Variants in BRINP3 observed in about 807,000 individuals in gnomAD.
The protein encoded by BRINP3 is BMP/retinoic acid-inducible neural-specific protein 3.
Under a neutral mutation model 71.0 loss-of-function variants are expected in BRINP3, and 19 were observed. The observed-to-expected ratio is 0.27, with a 90% CI of 0.19 to 0.39. BRINP3 has a LOEUF of 0.39. Ranked by LOEUF, BRINP3 falls within the 10% of genes least tolerant of loss-of-function variation. BRINP3 has a pLI of 1.00. For missense variants in BRINP3, 959 were observed against 940.8 expected (o/e 1.02, Z -0.25); for synonymous variants, 380 against 337.7 (o/e 1.13, Z -1.37).
chr1:190,212,548 T>A (rs751789777), intron 6 of BRINP3, among the ~76,000 whole-genome samples: 3 of 152,136 alleles, frequency 2.0e-5, no homozygotes, highest in African/African-American at 7.2e-5. Context: ...TATGATGTTT[T>A]CAGTTTCTTG....
chr1:190,389,273 C>A (rs1035816817), intron 2 of BRINP3, among the ~76,000 whole-genome samples: 1 of 151,702 alleles, frequency 6.6e-6, no homozygotes, highest in Non-Finnish European at 1.5e-5. Context: ...TCCCTACCAT[C>A]CAATCTATTC....
chr1:190,390,556 C>T (rs1337524369), intron 2 of BRINP3, among the ~76,000 whole-genome samples: 1 of 151,560 alleles, frequency 6.6e-6, no homozygotes, highest in Non-Finnish European at 1.5e-5. Context: ...CTAAAACCCT[C>T]AAGGAACAGG....
At chr1:190,400,166 A>G (rs1671830571) in intron 2 of BRINP3, among the ~76,000 whole-genome samples, 1 of 152,106 alleles carries the variant, frequency 6.6e-6, no homozygotes, top group Non-Finnish European at 1.5e-5. Flanking sequence ...GCTGAAATGA[A>G]CGTTTTGCGT....
In BRINP3 at chr1:190,120,380, C is replaced by T. The variant is rs567690980; in HGVS notation, c.1185-21246G>A. Among the ~76,000 whole-genome samples the T allele has an allele frequency of 2.6e-5, 4 of 152,148 alleles. No individual in the cohort carries two copies. In the South Asian group the frequency reaches 8.3e-4, roughly 32 times the overall value. ...AAATACAACATATAAAACAAGAAAACAGCAGGTTCATTGATTATGACACAT... is the reference window on the plus strand; with the variant it reads ...AAATACAACATATAAAACAAGAAAATAGCAGGTTCATTGATTATGACACAT... On this transcript the variant is annotated intron_variant, in intron 7 of 7. Transcript: ENST00000367462.
In BRINP3 at chr1:190,242,301, C is replaced by T. The variant is rs138985483; in HGVS notation, c.619-7824G>A. ...AAAAAATATATCAATGCAAAATTTT[C>T]TTGCATCTCAACACAAAAGTAAGCA... On this transcript the variant is annotated intron_variant, in intron 4 of 7. Transcript: ENST00000367462. 5.4e-3 allele frequency among the ~76,000 whole-genome samples: 819 copies of T among 152,022 alleles called. 5 individuals are homozygous for T. Among genetic ancestry groups the T allele is most frequent in the African/African-American group, 0.018 (750 of 41,528 alleles).
chr1:190,285,516 T>C (rs960936296), intron 2 of BRINP3, among the ~76,000 whole-genome samples: 3 of 152,060 alleles, frequency 2.0e-5, no homozygotes, highest in Non-Finnish European at 4.4e-5. Context: ...GGAGAATCAC[T>C]TGAACCCAGG....
chr1:190,353,955 C>T (rs1473363496), intron 2 of BRINP3, among the ~76,000 whole-genome samples: 1 of 151,920 alleles, frequency 6.6e-6, no homozygotes, highest in African/African-American at 2.4e-5. Flanking sequence ...TGATCGTATA[C>T]TTTCTTTCTT....
In BRINP3 at chr1:190,098,134, G is replaced by A; in HGVS notation, c.2185C>T (p.Arg729Cys). Residue 729 changes from arginine to cysteine, a missense_variant, in exon 8 of 8, where the codon CGT becomes TGT. Arg to Cys is a radical substitution (Grantham distance 180, BLOSUM62 -3). Coordinates refer to ENST00000367462, the MANE Select transcript of BRINP3 (RefSeq NM_199051.3). ...CTAGTAGACAGCTTGAGTCTATGAC[G>A]AAGCAAGCAAGAGAAAAGATCTAGA... ...RRLDLFSCLL[R>C]HRLKLSTSEV... The A allele has an allele frequency of 1.2e-6, 2 of 1,614,132 alleles. No individual in the cohort carries two copies. Among genetic ancestry groups the A allele is most frequent in the South Asian group, 1.1e-5 (1 of 91,078 alleles).
intron 2 of BRINP3, among the ~76,000 whole-genome samples, chr1:190,323,282 C>A (rs921247388): frequency 6.6e-6 from 1 of 151,820 alleles, no homozygotes; most frequent in South Asian, 2.1e-4. Flanking sequence ...TTCTTGTTAG[C>A]ATAACTGGAT....
intron 3 of BRINP3, among the ~76,000 whole-genome samples, chr1:190,279,271 A>G (rs1294030393): frequency 6.6e-6 from 1 of 151,598 alleles, no homozygotes; most frequent in African/African-American, 2.4e-5. Flanking sequence ...AATTATTAAA[A>G]TATTTTATAT....
chr1:190,267,915 G>A (rs1661794768), intron 3 of BRINP3, among the ~76,000 whole-genome samples: 1 of 151,938 alleles, frequency 6.6e-6, no homozygotes, highest in African/African-American at 2.4e-5. Context: ...TACTGAAAAT[G>A]TAAAACTTCT....
At chr1:190,302,559 A>G (rs538818971) in intron 2 of BRINP3, 25 of 151,976 alleles carry the variant, frequency 1.6e-4, no homozygotes, top group African/African-American at 5.5e-4. Context: ...TCAGTTACAC[A>G]TGATTATTCA....
chr1:190,430,219 T>G (rs1212662734), intron 2 of BRINP3, among the ~76,000 whole-genome samples: 5 of 152,166 alleles, frequency 3.3e-5, no homozygotes, highest in African/African-American at 1.2e-4. Context: ...CTCAAGTCAG[T>G]CAGTTTTGCT....
rs913644308 is a variant in BRINP3 at position 190,365,806 on chromosome 1, G to GTGTATATATATATA, written c.237-84057_237-84056insTATATATATATACA. Among the ~76,000 whole-genome samples the GTGTATATATATATA allele has an allele frequency of 3.5e-3, 448 of 127,834 alleles. 5 individuals carry two copies. The highest frequency in any genetic ancestry group is 0.01 in the Middle Eastern group (2 of 192). The allele number at this position is 127,834 out of a possible 152,430, so 83.9% of individuals were successfully genotyped here. A position where few individuals can be genotyped will look rare whatever the true frequency, so the allele number is the denominator to read the frequency against. ...CGAAGAGTACAATGAGAGAGCAAGT[G>GTGTATATATATATA]TATATATATATATATATATATATAT... is the stretch of plus-strand genomic sequence containing the variant. On this transcript the variant is annotated intron_variant, in intron 2 of 7. Transcript: ENST00000367462.
chr1:190,140,046 T>G (rs961765571), intron 7 of BRINP3, among the ~76,000 whole-genome samples: 1 of 151,998 alleles, frequency 6.6e-6, no homozygotes, highest in Non-Finnish European at 1.5e-5. Flanking sequence ...TTAAGAAAAA[T>G]TTTCAAGAAA....
At chr1:190,467,954 A>C in intron 1 of BRINP3, among the ~76,000 whole-genome samples, 1 of 151,500 alleles carries the variant, frequency 6.6e-6, no homozygotes, top group East Asian at 1.9e-4. Context: ...ATTAAATATT[A>C]GCTATTCTTA....
chr1:190,362,435 TC>T (rs1168725489), intron 2 of BRINP3, among the ~76,000 whole-genome samples: 10 of 152,142 alleles, frequency 6.6e-5, no homozygotes, highest in Non-Finnish European at 1.2e-4. Context: ...TGGTAAGAAT[TC>T]ACCAGGAGCA....
chr1:190,151,062 G>T (rs1248590339), intron 7 of BRINP3, among the ~76,000 whole-genome samples: 1 of 152,016 alleles, frequency 6.6e-6, no homozygotes, highest in Non-Finnish European at 1.5e-5. Context: ...CCATAGAATC[G>T]CTTGAACCTG....
chr1:190,224,531 A>G (rs916759312), intron 6 of BRINP3, among the ~76,000 whole-genome samples: 3 of 151,906 alleles, frequency 2.0e-5, no homozygotes, highest in Non-Finnish European at 4.4e-5. Context: ...TAAAACTAAA[A>G]ACGAAATTAT....
Sources: allele counts gnomAD v4.1 joint callset (sites outside exome capture counted in the v4.1 genomes callset), GRCh38; gene constraint gnomAD v4.1.1; transcripts MANE v1.5; gene names NCBI Gene and HGNC (gene_info 2026-07-23, HGNC 2026-07-21).